Variants in DHX29 observed in about 807,000 individuals in gnomAD.
DHX29 encodes the protein DExH-box helicase 29, also known as ATP-dependent RNA helicase DHX29.
DHX29 carries 79 observed loss-of-function variants against 167.9 expected under a neutral mutation model. The ratio of observed to expected loss-of-function variants is 0.47; its 90% confidence interval spans 0.39 to 0.57. The LOEUF (loss-of-function observed/expected upper bound fraction) is 0.57. Ranked by LOEUF, DHX29 falls within the 20% of genes least tolerant of loss-of-function variation. The pLI, the probability that DHX29 is intolerant of heterozygous loss-of-function variation, is 0.00. For synonymous variants in DHX29, 530 were observed against 546.0 expected, an observed-to-expected ratio of 0.97 and a Z score of 0.41; for missense variants, 1,347 against 1,593.4, an observed-to-expected ratio of 0.85 and a Z score of 2.63.
At chr5:55,307,263 CA>C (rs1446969694) in intron 1 of DHX29, 123 bp downstream of exon 1, 12 of 805,962 alleles carry the variant, frequency 1.5e-5, no homozygotes, top group South Asian at 9.4e-5. Flanking sequence ...GGGGAGGTAG[CA>C]GCTCGAGTGT....
intron 5 of DHX29, 125 bp downstream of exon 5, chr5:55,295,254 G>T: frequency 2.7e-6 from 2 of 751,538 alleles, no homozygotes; most frequent in Non-Finnish European, 4.2e-6. Flanking sequence ...GAAAAGTCTA[G>T]CAAACCAATT....
intron 11 of DHX29, 141 bp downstream of exon 11, chr5:55,283,062 T>C: frequency 2.4e-6 from 2 of 822,220 alleles, no homozygotes; most frequent in Non-Finnish European, 3.6e-6. Flanking sequence ...TCAAAGAAAA[T>C]GTGAAAAGTG....
At chr5:55,297,744 G>A (rs1365532745) in intron 2 of DHX29, among the ~76,000 whole-genome samples, 1 of 152,178 alleles carries the variant, frequency 6.6e-6, no homozygotes, top group East Asian at 1.9e-4. Flanking sequence ...GGGATTTAAT[G>A]TAAACCACTG....
intron 14 of DHX29, among the ~76,000 whole-genome samples, chr5:55,275,789 G>T (rs562784344): frequency 6.6e-6 from 1 of 151,904 alleles, no homozygotes; most frequent in South Asian, 2.1e-4. Flanking sequence ...GTGTCTGTCT[G>T]TCTATCTATC....
At chr5:55,292,333 T>G (rs764632110) in intron 6 of DHX29, among the ~76,000 whole-genome samples, 8 of 152,180 alleles carry the variant, frequency 5.3e-5, no homozygotes, top group Non-Finnish European at 1.2e-4. Flanking sequence ...TCTGAAGAAA[T>G]CTTCCTTAGC....
chr5:55,281,376 T>C lies in DHX29; in HGVS notation c.2105A>G (p.Asp702Gly). 2.5e-6 allele frequency: 4 copies of C among 1,581,024 alleles called. No individual in the cohort carries two copies. The highest frequency in any genetic ancestry group is 3.4e-6 in the Non-Finnish European group (4 of 1,164,740). Reference sequence around the variant, plus strand: ...ACAACTATAGAATCCACTCACCTCATCTACAATAACATGAGACACATTACT... The same window carrying C: ...ACAACTATAGAATCCACTCACCTCACCTACAATAACATGAGACACATTACT... ...LLSNVSHVIV[D>G]EVHERSVQSD... Residue 702 changes from aspartate (D) to glycine (G), a missense_variant, in exon 12 of 27, where the codon GAT becomes GGT. Physicochemically the swap from Asp to Gly is moderately conservative, Grantham distance 94. This residue lies in a region of DHX29 where 882 missense variants were observed against 1,082.4 expected (regional missense o/e 0.81). Transcript: ENST00000251636.
chr5:55,305,772 C>T (rs1019168088), intron 1 of DHX29, among the ~76,000 whole-genome samples: 3 of 152,048 alleles, frequency 2.0e-5, no homozygotes, highest in Non-Finnish European at 4.4e-5. Flanking sequence ...TAGTACTAGC[C>T]CTGTTAAATT....
At chr5:55,305,474 A>G (rs1163662736) in intron 1 of DHX29, among the ~76,000 whole-genome samples, 1 of 152,252 alleles carries the variant, frequency 6.6e-6, no homozygotes, top group Non-Finnish European at 1.5e-5. Context: ...AGCTAGCTAA[A>G]TGATTTGGAT....
At chr5:55,279,857 C>T (rs1747313786) in intron 12 of DHX29, among the ~76,000 whole-genome samples, 1 of 151,060 alleles carries the variant, frequency 6.6e-6, no homozygotes, top group Admixed American at 6.6e-5. Context: ...TAGGTGCAAG[C>T]CACTGCTCCT....
At chr5:55,258,522 G>A (rs2111769689) in intron 26 of DHX29, among the ~76,000 whole-genome samples, 1 of 152,324 alleles carries the variant, frequency 6.6e-6, no homozygotes, top group South Asian at 2.1e-4. Context: ...CTTTGCAACT[G>A]CCAGGATGAT....
intron 11 of DHX29, among the ~76,000 whole-genome samples, chr5:55,282,825 T>C (rs1297323396): frequency 6.6e-6 from 1 of 152,156 alleles, no homozygotes; most frequent in African/African-American, 2.4e-5. Flanking sequence ...AAAGAATTAA[T>C]GAAAATCATT....
At chr5:55,296,370 A>G in intron 3 of DHX29, 21 bp from the exon 4 acceptor site, 1 of 1,600,678 alleles carries the variant, frequency 6.2e-7, no homozygotes, top group Non-Finnish European at 8.5e-7. Context: ...CAAATATAAA[A>G]AAAGTCACAT....
chr5:55,280,370 G>A (rs1190379061), intron 12 of DHX29, among the ~76,000 whole-genome samples: 1 of 152,162 alleles, frequency 6.6e-6, no homozygotes, highest in Non-Finnish European at 1.5e-5. Context: ...GAGTTCAACA[G>A]AACTTATTAA....
chr5:55,275,926 G>A (rs1015928461), intron 14 of DHX29, among the ~76,000 whole-genome samples: 1 of 121,548 alleles, frequency 8.2e-6, no homozygotes, highest in South Asian at 2.5e-4. Context: ...ATGGTGTTGA[G>A]AGAAGTAGAG....
intron 2 of DHX29, among the ~76,000 whole-genome samples, 187 bp downstream of exon 2, chr5:55,298,404 C>T (rs1336808892): frequency 6.6e-6 from 1 of 152,114 alleles, no homozygotes; most frequent in Non-Finnish European, 1.5e-5. Flanking sequence ...CCAGGCCTTC[C>T]TTCATTTCTT....
intron 8 of DHX29, among the ~76,000 whole-genome samples, chr5:55,288,976 A>C (rs1392894488): frequency 1.3e-5 from 2 of 152,222 alleles, no homozygotes; most frequent in Non-Finnish European, 1.5e-5. Flanking sequence ...ACAGCCATTA[A>C]AGGTGGCAGG....
intron 3 of DHX29, among the ~76,000 whole-genome samples, chr5:55,296,989 T>C (rs947279629): frequency 6.6e-6 from 1 of 152,208 alleles, no homozygotes; most frequent in African/African-American, 2.4e-5. Flanking sequence ...TACATTTACT[T>C]CATAGGACTG....
At chr5:55,276,969 G>C in intron 13 of DHX29, 137 bp downstream of exon 13, 4 of 569,428 alleles carry the variant, frequency 7.0e-6, no homozygotes, top group Non-Finnish European at 1.2e-5. Flanking sequence ...TGATTCTTAA[G>C]GCTGTGTCCA....
intron 18 of DHX29, among the ~76,000 whole-genome samples, chr5:55,271,735 A>C (rs1209974120): frequency 6.6e-6 from 1 of 152,248 alleles, no homozygotes; most frequent in African/African-American, 2.4e-5. Flanking sequence ...TTCAGCTCTT[A>C]CTCCAAAAGC....
Sources: allele counts gnomAD v4.1 joint callset (sites outside exome capture counted in the v4.1 genomes callset), GRCh38; gene constraint gnomAD v4.1.1; regional missense constraint gnomAD v4.1.1; transcripts MANE v1.5; gene names NCBI Gene and HGNC (gene_info 2026-07-23, HGNC 2026-07-21).